The following NALF1 variants were observed in gnomAD, a reference collection of about 807,000 sequenced individuals.
NALF1 encodes NALCN channel auxiliary factor 1, also known as family with sequence similarity 155 member A.
A neutral mutation model predicts 48.4 loss-of-function variants in NALF1; 3 were observed. The ratio of observed to expected loss-of-function variants is 0.06; its 90% confidence interval spans 0.03 to 0.16. The LOEUF (loss-of-function observed/expected upper bound fraction) is 0.16. NALF1 is among the 10% of genes least tolerant of loss of function. The pLI is 1.00. For missense variants in NALF1, 526 were observed against 571.5 expected, an observed-to-expected ratio of 0.92 and a Z score of 0.81; for synonymous variants, 262 against 245.7, an observed-to-expected ratio of 1.07 and a Z score of -0.62.
At chr13:107,744,080 A>G (rs1248280640) in intron 1 of NALF1, among the ~76,000 whole-genome samples, 1 of 152,200 alleles carries the variant, frequency 6.6e-6, no homozygotes, top group Non-Finnish European at 1.5e-5. Context: ...AGAGGTATAT[A>G]TTAGATTCAG....
At chr13:107,361,908 A>T (rs1179199528) in intron 1 of NALF1, among the ~76,000 whole-genome samples, 1 of 152,176 alleles carries the variant, frequency 6.6e-6, no homozygotes, top group Non-Finnish European at 1.5e-5. Flanking sequence ...GAGGGTGAGT[A>T]AAAGAGGAGG....
chr13:107,578,619 A>C (rs1878217584), intron 1 of NALF1, among the ~76,000 whole-genome samples: 1 of 152,176 alleles, frequency 6.6e-6, no homozygotes, highest in Non-Finnish European at 1.5e-5. Context: ...TGAAAATCTT[A>C]TATATTACCT....
intron 1 of NALF1, among the ~76,000 whole-genome samples, chr13:107,764,692 G>T (rs898374209): frequency 1.3e-5 from 2 of 152,100 alleles, no homozygotes; most frequent in Non-Finnish European, 2.9e-5. Flanking sequence ...ATATTGAGAA[G>T]TCTCTCCTAT....
chr13:107,591,120 G>A (rs988442646), intron 1 of NALF1, among the ~76,000 whole-genome samples: 1 of 151,984 alleles, frequency 6.6e-6, no homozygotes, highest in Non-Finnish European at 1.5e-5. Flanking sequence ...ATAAAGATGA[G>A]AGTAACAATA....
chr13:107,648,317 T>C (rs1880363831), intron 1 of NALF1, among the ~76,000 whole-genome samples: 1 of 152,132 alleles, frequency 6.6e-6, no homozygotes, highest in African/African-American at 2.4e-5. Flanking sequence ...GTCATAAACA[T>C]CCTTTGTGCT....
intron 1 of NALF1, among the ~76,000 whole-genome samples, chr13:107,235,411 CAG>C (rs1328618274): frequency 6.6e-6 from 1 of 152,066 alleles, no homozygotes; most frequent in African/African-American, 2.4e-5. Context: ...TTGATATACA[CAG>C]GGGATCAGTT....
intron 1 of NALF1, among the ~76,000 whole-genome samples, chr13:107,719,608 A>G (rs767215590): frequency 1.8e-4 from 27 of 152,034 alleles, no homozygotes; most frequent in Non-Finnish European, 3.8e-4. Flanking sequence ...AAACAACTAC[A>G]ATGAAACCAC....
chr13:107,556,184 A>G (rs1352562153), intron 1 of NALF1, among the ~76,000 whole-genome samples: 1 of 151,724 alleles, frequency 6.6e-6, no homozygotes. Context: ...GGACATGGAA[A>G]GATGGGGTAT....
chr13:107,680,099 CCAGGTGCCCAGCTG>C (rs932831378), intron 1 of NALF1, among the ~76,000 whole-genome samples: 74 of 152,098 alleles, frequency 4.9e-4, no homozygotes, highest in African/African-American at 1.7e-3. Flanking sequence ...GCCCATGTGC[CCAGGTGCCCAGCTG>C]CAGGTACCCA....
intron 1 of NALF1, among the ~76,000 whole-genome samples, chr13:107,626,717 A>G (rs1385798096): frequency 6.6e-6 from 1 of 152,062 alleles, no homozygotes; most frequent in Non-Finnish European, 1.5e-5. Flanking sequence ...CCACTCATGT[A>G]TGGAAGCTAA....
At chr13:107,332,549 A>G (rs1380710900) in intron 1 of NALF1, among the ~76,000 whole-genome samples, 2 of 152,248 alleles carry the variant, frequency 1.3e-5, no homozygotes, top group African/African-American at 4.8e-5. Flanking sequence ...TGTGGGGCCA[A>G]CATATTTCTA....
intron 1 of NALF1, among the ~76,000 whole-genome samples, chr13:107,502,263 T>TATTATG (rs1875549383): frequency 2.0e-5 from 3 of 152,296 alleles, no homozygotes; most frequent in South Asian, 4.1e-4. Flanking sequence ...CAAAAGGGAC[T>TATTATG]TTTAAGAGAT....
At chr13:107,764,568 T>C (rs1227504902) in intron 1 of NALF1, among the ~76,000 whole-genome samples, 1 of 152,132 alleles carries the variant, frequency 6.6e-6, no homozygotes, top group Non-Finnish European at 1.5e-5. Context: ...GTAAGACAAA[T>C]CAATGAAGGG....
intron 1 of NALF1, among the ~76,000 whole-genome samples, chr13:107,229,882 G>T (rs1045223653): frequency 7.2e-5 from 11 of 152,146 alleles, no homozygotes; most frequent in African/African-American, 2.2e-4. Context: ...TTCTTGCCTG[G>T]ATTCCATAGG....
chr13:107,666,951 T>A (rs1880874421), intron 1 of NALF1, among the ~76,000 whole-genome samples: 1 of 152,166 alleles, frequency 6.6e-6, no homozygotes, highest in African/African-American at 2.4e-5. Context: ...CAAGTTAATA[T>A]GAGTTTCTTT....
At chr13:107,727,224 A>G (rs1287467997) in intron 1 of NALF1, among the ~76,000 whole-genome samples, 3 of 152,208 alleles carry the variant, frequency 2.0e-5, no homozygotes, top group Non-Finnish European at 4.4e-5. Flanking sequence ...AAAAAATGTG[A>G]TAATACACAT....
intron 1 of NALF1, among the ~76,000 whole-genome samples, chr13:107,816,936 T>C (rs1468371199): frequency 6.6e-6 from 1 of 152,226 alleles, no homozygotes; most frequent in Non-Finnish European, 1.5e-5. Context: ...CTTCATTTTA[T>C]CATTTCACCT....
At chr13:107,177,322 T>TA (rs926584700) in intron 2 of NALF1, among the ~76,000 whole-genome samples, 9 of 152,118 alleles carry the variant, frequency 5.9e-5, no homozygotes, top group South Asian at 2.1e-4. Flanking sequence ...GCAATCCCTA[T>TA]AAAAAAATTA....
intron 1 of NALF1, among the ~76,000 whole-genome samples, chr13:107,433,625 T>C (rs1212202088): frequency 6.6e-6 from 1 of 152,016 alleles, no homozygotes; most frequent in Non-Finnish European, 1.5e-5. Flanking sequence ...AATAAAATGA[T>C]GTAATACAAA....
Sources: gnomAD v4.1 joint callset for allele counts (sites outside exome capture counted in the v4.1 genomes callset) on GRCh38, gnomAD v4.1.1 for gene constraint, MANE v1.5 for transcripts, NCBI Gene and HGNC (gene_info 2026-07-23, HGNC 2026-07-21) for gene names.